The following KCNQ1 variants were observed in gnomAD, a reference collection of about 807,000 sequenced individuals.
KCNQ1 encodes potassium voltage-gated channel subfamily Q member 1.
KCNQ1 carries 49 observed loss-of-function variants against 72.4 expected under a neutral mutation model. The ratio of observed to expected loss-of-function variants is 0.68; its 90% CI spans 0.54 to 0.86. KCNQ1 has a LOEUF of 0.86. Ranked by LOEUF, KCNQ1 falls within the 40% of genes least tolerant of loss-of-function variation. KCNQ1 has a pLI of 0.00. For synonymous variants in KCNQ1, 450 were observed against 412.6 expected (o/e 1.09, Z -1.10); for missense variants, 790 against 945.1 (o/e 0.84, Z 2.15).
intron 11 of KCNQ1, chr11:2,686,145 G>A (rs1222433131): frequency 1.0e-5 from 4 of 398,772 alleles, no homozygotes; most frequent in Non-Finnish European, 1.8e-5. Context: ...CTTGCTTCTG[G>A]GGTTTGCTTC....
rs1023419299 is a variant in KCNQ1, at chr11:2,674,332, G to T, written c.1514+12251G>T. 3.2e-5 allele frequency: 12 copies of T among 379,462 alleles called. No individual in the cohort carries two copies. Among genetic ancestry groups the T allele is most frequent in the Non-Finnish European group, 4.7e-6 (1 of 214,388 alleles). 23.5% of individuals were successfully genotyped at this position (379,462 alleles called of 1,614,324 possible). ...AGCTGGAGGCCAAGGACACCCTCTG[G>T]AAATCTGAATTCCATTCGCTCTTGG... On this transcript the variant is annotated intron_variant, in intron 11 of 15. Coordinates refer to ENST00000155840, the MANE Select transcript of KCNQ1 (RefSeq NM_000218.3). The surrounding 1 kb of genome is among the most constrained non-coding windows in gnomAD (Gnocchi z 5.9).
At chr11:2,801,166 A>C (rs1185516095) in intron 15 of KCNQ1, among the ~76,000 whole-genome samples, 1 of 152,126 alleles carries the variant, frequency 6.6e-6, no homozygotes, top group Non-Finnish European at 1.5e-5. Flanking sequence ...CACTCTTTGC[A>C]CAGACCAGCC....
chr11:2,686,752 A>G (rs1850496438), intron 11 of KCNQ1: 3 of 398,536 alleles, frequency 7.5e-6, no homozygotes, highest in Non-Finnish European at 8.8e-6. Flanking sequence ...GTAGCTTTCA[A>G]TTGTAAATGT....
chr11:2,693,460 C>T lies in KCNQ1; in HGVS notation c.1514+31379C>T, dbSNP rs563198285. 2.2e-4 allele frequency: 89 copies of T among 398,692 alleles called. No individual in the cohort carries two copies. In the East Asian group the frequency reaches 3.2e-3, roughly 14 times the overall value. The allele number at this position is 398,692 out of a possible 1,614,324, so 24.7% of individuals were successfully genotyped here. On this transcript the variant is annotated intron_variant, in intron 11 of 15. Transcript: ENST00000155840. ...TGGCCCCCCATCGAGTCCCCATTCT[C>T]TAATGCTAATTGCTACAATTAGCAG...
Position 2,828,385 on chromosome 11 carries a change from GA to G in KCNQ1, c.1795-19379del, listed in dbSNP as rs2134064958. Among the ~76,000 whole-genome samples, 1 of 152,324 alleles carries G rather than the reference GA, an allele frequency of 6.6e-6. No homozygotes were observed. The highest frequency in any genetic ancestry group is 6.5e-5 in the Admixed American group (1 of 15,310). ...TGACAGTAAAGGCATGAAAAACATG[GA>G]AACATGTAAATCAACTAGGGTAAAG... On this transcript the variant is annotated intron_variant, in intron 15 of 15. Coordinates refer to ENST00000155840, the MANE Select transcript of KCNQ1 (RefSeq NM_000218.3). The surrounding 1 kb of genome is among the most constrained non-coding windows in gnomAD (Gnocchi z 5.3).
At chr11:2,840,040 C>CCAGT in intron 15 of KCNQ1, 1 of 152,284 alleles carries the variant, frequency 6.6e-6, no homozygotes. Context: ...CCCGAACTGC[C>CCAGT]CAGTCAAAAA....
intron 10 of KCNQ1, among the ~76,000 whole-genome samples, chr11:2,605,430 G>A (rs58827264): frequency 0.063 from 9,609 of 152,128 alleles, 720 homozygotes; most frequent in African/African-American, 0.18. Context: ...TATCTGTTAC[G>A]TATTTATGTC....
chr11:2,695,744 T>C lies in KCNQ1; in HGVS notation c.1514+33663T>C, dbSNP rs457704. On this transcript the variant is annotated intron_variant, in intron 11 of 15. Coordinates refer to ENST00000155840, the MANE Select transcript of KCNQ1 (RefSeq NM_000218.3). This position sits in a 1 kb window ranked among gnomAD's most constrained non-coding sequence, Gnocchi z 5.2. The stretch of plus-strand genomic sequence containing the variant: ...TGCAGCACACAGGGAGGCTTGTTCC[T>C]TGCCTTCTGCCAACACTTGGCCTTA... 0.62 allele frequency: 248,297 copies of C among 398,470 alleles called. 82,472 individuals carry two copies. Among genetic ancestry groups the C allele is most frequent in the East Asian group, 0.99 (27,908 of 28,078 alleles). The allele number at this position is 398,470 out of a possible 1,614,324, so 24.7% of individuals were successfully genotyped here.
rs1322783663 is a variant in KCNQ1, at chr11:2,547,825, G to A, written c.477+19807G>A. Among the ~76,000 whole-genome samples, 4 of 152,218 alleles carry A rather than the reference G, an allele frequency of 2.6e-5. No homozygotes were observed. The highest frequency in any genetic ancestry group is 9.7e-5 in the African/African-American group (4 of 41,448). On this transcript the variant is annotated intron_variant, in intron 2 of 15. Coordinates refer to ENST00000155840, the MANE Select transcript of KCNQ1 (RefSeq NM_000218.3). The surrounding 1 kb of genome is among the most constrained non-coding windows in gnomAD (Gnocchi z 4.2). The stretch of plus-strand genomic sequence containing the variant: ...TGGAGCGGCCGGGCTGCGAGTCTCT[G>A]TATGGAGGTGAAGGTCCAGATGTTG...
In KCNQ1 at chr11:2,621,702, T is replaced by C; in HGVS notation, c.1393+32848T>C. On this transcript the variant is annotated intron_variant, in intron 10 of 15. Transcript: ENST00000155840. This position sits in a 1 kb window ranked among gnomAD's most constrained non-coding sequence, Gnocchi z 5.7. ...TTCATAAAAGTCCCTTATGATCCTTTTTATTTCTGAAGTACCTGTTGTAAT... is the reference window on the plus strand; with the variant it reads ...TTCATAAAAGTCCCTTATGATCCTTCTTATTTCTGAAGTACCTGTTGTAAT... The C allele has an allele frequency of 2.5e-6, 1 of 398,518 alleles. No individual in the cohort carries two copies. Among genetic ancestry groups the C allele is most frequent in the East Asian group, 3.6e-5 (1 of 28,028 alleles). 24.7% of individuals were successfully genotyped at this position (398,518 alleles called of 1,614,324 possible).
chr11:2,650,773 TTC>T, intron 10 of KCNQ1: 1 of 398,660 alleles, frequency 2.5e-6, no homozygotes, highest in South Asian at 1.3e-4. Flanking sequence ...TTTGAAGGTA[TTC>T]TTTCTCCTAA....
rs199472814 is a variant in KCNQ1, at chr11:2,778,015, G to A, written c.1772G>A (p.Arg591His). ...CGCGGCAGCAACACGATCGGCGCCC[G>A]CCTGAACCGAGTAGAAGACAAGGTA... ...KDRGSNTIGARLNRVEDKVTQ... is the reference protein window; with the variant it reads ...KDRGSNTIGAHLNRVEDKVTQ... Residue 591 changes from arginine to histidine, a missense_variant, in exon 15 of 16, where the codon CGC (arginine) becomes CAC (histidine). This residue lies in a region of KCNQ1 where 91 missense variants were observed against 139.1 expected (regional missense o/e 0.65). Coordinates refer to ENST00000155840, the MANE Select transcript of KCNQ1 (RefSeq NM_000218.3). The A allele has an allele frequency of 1.2e-6, 2 of 1,613,638 alleles. No individual in the cohort carries two copies. Among genetic ancestry groups the A allele is most frequent in the African/African-American group, 1.3e-5 (1 of 75,052 alleles).
intron 11 of KCNQ1, among the ~76,000 whole-genome samples, chr11:2,732,405 A>G (rs1469310223): frequency 6.6e-6 from 1 of 152,112 alleles, no homozygotes; most frequent in African/African-American, 2.4e-5. Context: ...TTTCCACACT[A>G]TTCCTGACGC....
At position 2,721,000 on chromosome 11, in the gene KCNQ1, C is replaced by G. The variant is rs1029224621; in HGVS notation, c.1515-47844C>G. On this transcript the variant is annotated intron_variant, in intron 11 of 15. Transcript: ENST00000155840. This position sits in a 1 kb window ranked among gnomAD's most constrained non-coding sequence, Gnocchi z 5.1. ...GCAGGCACAGCTTTCCAGGCCAGAG[C>G]CATGGACGGTCCCTGGACACCTGCA... 1.3e-5 allele frequency among the ~76,000 whole-genome samples: 2 copies of G among 152,078 alleles called. No homozygotes were observed. The highest frequency in any genetic ancestry group is 4.1e-4 in the South Asian group (2 of 4,820).
chr11:2,778,907 C>T (rs58972425), intron 15 of KCNQ1, among the ~76,000 whole-genome samples: 61 of 152,102 alleles, frequency 4.0e-4, no homozygotes, highest in African/African-American at 1.3e-3. Flanking sequence ...CAGGCTCCTG[C>T]TCCTGCCCCA....
intron 11 of KCNQ1, chr11:2,700,011 A>C: frequency 1.3e-5 from 5 of 398,198 alleles, no homozygotes; most frequent in Non-Finnish European, 2.2e-5. Context: ...AGACTGCGGC[A>C]GCGCTCCGAC....
rs921159101 is a variant in KCNQ1 at position 2,653,185 on chromosome 11, C to T, written c.1394-8776C>T. 2.5e-6 allele frequency: 1 copy of T among 398,614 alleles called. No homozygotes were observed. The highest frequency in any genetic ancestry group is 2.1e-5 in the African/African-American group (1 of 48,654). 24.7% of individuals were successfully genotyped at this position (398,614 alleles called of 1,614,324 possible). On this transcript the variant is annotated intron_variant, in intron 10 of 15. Coordinates refer to ENST00000155840, the MANE Select transcript of KCNQ1 (RefSeq NM_000218.3). The surrounding 1 kb of genome is among the most constrained non-coding windows in gnomAD (Gnocchi z 5.3). Reference sequence around the variant, plus strand: ...CTTAGGAAATCCCTTTCCAAGAGTTCCCTGTGCTGTTGCAGGGCTAGGGCC... The same window carrying T: ...CTTAGGAAATCCCTTTCCAAGAGTTTCCTGTGCTGTTGCAGGGCTAGGGCC...
intron 10 of KCNQ1, chr11:2,641,826 T>C (rs1364429765): frequency 3.0e-5 from 12 of 398,332 alleles, no homozygotes; most frequent in Non-Finnish European, 4.9e-5. Flanking sequence ...TAGCAAGAGA[T>C]AGAAACGGTT....
chr11:2,792,173 A>AG (rs974646047), intron 15 of KCNQ1, among the ~76,000 whole-genome samples: 5 of 151,992 alleles, frequency 3.3e-5, no homozygotes, highest in African/African-American at 1.2e-4. Context: ...CGCGGCCTCC[A>AG]GGGGGTGGCC....
Sources: gnomAD v4.1 joint callset for allele counts (sites outside exome capture counted in the v4.1 genomes callset) on GRCh38, gnomAD v4.1.1 for gene constraint, gnomAD v4.1.1 regional missense constraint, Gnocchi (gnomAD v3.1) non-coding constraint, MANE v1.5 for transcripts, NCBI Gene and HGNC (gene_info 2026-07-23, HGNC 2026-07-21) for gene names.